The following PRPF8 variants were observed in gnomAD, a reference collection of about 807,000 sequenced individuals.
PRPF8 encodes the protein pre-mRNA processing factor 8, also known as pre-mRNA-processing-splicing factor 8.
Under a neutral mutation model 285.9 loss-of-function variants are expected in PRPF8, and 64 were observed. The ratio of observed to expected loss-of-function variants is 0.22; its 90% CI spans 0.18 to 0.28. The LOEUF (loss-of-function observed/expected upper bound fraction) is 0.28, where lower values mean the gene tolerates loss of function less well. Ranked by LOEUF, PRPF8 falls within the 10% of genes least tolerant of loss-of-function variation. PRPF8 has a pLI of 1.00. For synonymous variants in PRPF8, 1,325 were observed against 1,118.2 expected (o/e 1.18, Z -3.69); for missense variants, 1,426 against 3,026.7 (o/e 0.47, Z 12.41).
At chr17:1,677,316 G>C (rs371663702) in intron 14 of PRPF8, 144 bp from the exon 15 acceptor site, 56 of 1,005,900 alleles carry the variant, frequency 5.6e-5, no homozygotes, top group South Asian at 5.3e-4. Flanking sequence ...TATGCAAAAA[G>C]ACGAGCTACC....
At chr17:1,652,364 G>A (rs2151110278) in intron 39 of PRPF8, among the ~76,000 whole-genome samples, 2 of 152,222 alleles carry the variant, frequency 1.3e-5, no homozygotes, top group Admixed American at 1.3e-4. Flanking sequence ...TCAGCTTCCT[G>A]AGTAGCTGGG....
intron 24 of PRPF8, among the ~76,000 whole-genome samples, chr17:1,668,478 C>T (rs1239725055): frequency 6.6e-6 from 1 of 150,406 alleles, no homozygotes; most frequent in Non-Finnish European, 1.5e-5. Flanking sequence ...TCTCCTGCAT[C>T]AGCCCCCCTG....
intron 5 of PRPF8, 47 bp from the exon 6 acceptor site, chr17:1,681,737 C>T: frequency 6.2e-7 from 1 of 1,609,670 alleles, no homozygotes. Flanking sequence ...GCTAGACAAA[C>T]CCATACCACC....
Position 1,673,973 on chromosome 17 carries a change from G to A in PRPF8, c.3300-81C>T. 1.3e-6 allele frequency: 2 copies of A among 1,537,174 alleles called. No individual in the cohort carries two copies. The highest frequency in any genetic ancestry group is 4.5e-5 in the East Asian group (2 of 44,496). The stretch of plus-strand genomic sequence containing the variant: ...CACAAGTCCTCCAGCTCAATAGACG[G>A]AGACCCCACCCCATCCTACCCCCAC... On this transcript the variant is annotated intron_variant, in intron 21 of 42. Coordinates refer to ENST00000304992, the MANE Select transcript of PRPF8 (RefSeq NM_006445.4). This position sits in a 1 kb window ranked among gnomAD's most constrained non-coding sequence, Gnocchi z 5.5.
Position 1,658,514 on chromosome 17 carries a change from G to A in PRPF8, c.5376+12C>T, listed in dbSNP as rs1358484661. ...CAGAGTCCCGCACCTATACACTGCT[G>A]CTAACACTCACCTTGTGAATAGTCA... On this transcript the variant is annotated intron_variant, in intron 33 of 42. Coordinates refer to ENST00000304992, the MANE Select transcript of PRPF8 (RefSeq NM_006445.4). The surrounding 1 kb of genome is among the most constrained non-coding windows in gnomAD (Gnocchi z 4.1). The A allele has an allele frequency of 6.2e-7, 1 of 1,611,998 alleles. No individual in the cohort carries two copies. The highest frequency in any genetic ancestry group is 1.3e-5 in the African/African-American group (1 of 74,852).
chr17:1,676,912 C>A lies in PRPF8; in HGVS notation c.2181+64G>T, dbSNP rs948364941. The A allele has an allele frequency of 1.3e-4, 209 of 1,588,456 alleles. 1 individual carries two copies. The highest frequency in any genetic ancestry group is 1.8e-4 in the Non-Finnish European group (205 of 1,162,588). On this transcript the variant is annotated intron_variant, in intron 15 of 42. Coordinates refer to ENST00000304992, the MANE Select transcript of PRPF8 (RefSeq NM_006445.4). This position sits in a 1 kb window ranked among gnomAD's most constrained non-coding sequence, Gnocchi z 6.3. ...AGCCAGATAGCCCCCTAATGATTCC[C>A]GAAGTGGTAATCCTACCCTAAAGAC...
chr17:1,682,349 G>A (rs1912975091), intron 3 of PRPF8, 56 bp from the exon 4 acceptor site: 5 of 1,576,722 alleles, frequency 3.2e-6, no homozygotes, highest in Non-Finnish European at 4.4e-6. Context: ...TCTGCTACCT[G>A]TCCCATGCAG....
chr17:1,660,902 G>T, intron 28 of PRPF8, 75 bp from the exon 29 acceptor site: 13 of 1,612,404 alleles, frequency 8.1e-6, no homozygotes, highest in Non-Finnish European at 1.1e-5. Flanking sequence ...GGAGGTGGCT[G>T]TCTGGGAAAC....
chr17:1,658,211 G>A lies in PRPF8; in HGVS notation c.5505+42C>T, dbSNP rs1430878687. 2 of 1,613,358 alleles carry A rather than the reference G, an allele frequency of 1.2e-6. No homozygotes were observed. The highest frequency in any genetic ancestry group is 1.1e-5 in the South Asian group (1 of 91,036). On this transcript the variant is annotated intron_variant, in intron 34 of 42. Transcript: ENST00000304992. This position sits in a 1 kb window ranked among gnomAD's most constrained non-coding sequence, Gnocchi z 4.1. ...ACCAAGTCCACCCCAAGAATAAGAG[G>A]CAACATGGTTCTACAGCCTCTTCAT...
Position 1,653,464 on chromosome 17 carries a change from C to G in PRPF8, c.6369+78G>C. 1 of 1,576,076 alleles carries G rather than the reference C, an allele frequency of 6.3e-7. No individual in the cohort carries two copies. The highest frequency in any genetic ancestry group is 8.7e-7 in the Non-Finnish European group (1 of 1,145,986). On this transcript the variant is annotated intron_variant, in intron 39 of 42. Coordinates refer to ENST00000304992, the MANE Select transcript of PRPF8 (RefSeq NM_006445.4). The surrounding 1 kb of genome is among the most constrained non-coding windows in gnomAD (Gnocchi z 4.9). ...ATCTTGAAACCAGCATCTCAAGTTC[C>G]AGACAATCTCAGGTCTGAGTTTTAG... is the stretch of plus-strand genomic sequence containing the variant.
chr17:1,664,490 G>C (rs773297636), intron 24 of PRPF8, among the ~76,000 whole-genome samples: 4 of 152,086 alleles, frequency 2.6e-5, no homozygotes, highest in African/African-American at 7.2e-5. Flanking sequence ...GGCACCAAGA[G>C]AGACTGTACG....
Position 1,674,688 on chromosome 17 carries a change from G to A in PRPF8, c.3061-8C>T, listed in dbSNP as rs974419062. On this transcript the variant is annotated splice_polypyrimidine_tract_variant and splice_region_variant and intron_variant, in intron 20 of 42. Coordinates refer to ENST00000304992, the MANE Select transcript of PRPF8 (RefSeq NM_006445.4). ...ATTCGTATGGTTCATGTCCTAGAAAGAAAGAACTACAATTCTTAAGAATGT... is the reference window on the plus strand; with the variant it reads ...ATTCGTATGGTTCATGTCCTAGAAAAAAAGAACTACAATTCTTAAGAATGT... The A allele has an allele frequency of 3.7e-6, 6 of 1,610,020 alleles. No individual in the cohort carries two copies. Among genetic ancestry groups the A allele is most frequent in the Middle Eastern group, 1.6e-4 (1 of 6,072 alleles).
intron 2 of PRPF8, among the ~76,000 whole-genome samples, chr17:1,684,102 G>C (rs1361026867): frequency 6.6e-6 from 1 of 152,102 alleles, no homozygotes; most frequent in Non-Finnish European, 1.5e-5. Flanking sequence ...GGCCAGGCTG[G>C]TCTCGAACTC....
At chr17:1,670,786 C>T (rs1369780395) in intron 24 of PRPF8, among the ~76,000 whole-genome samples, 2 of 152,134 alleles carry the variant, frequency 1.3e-5, no homozygotes, top group Admixed American at 1.3e-4. Flanking sequence ...CGCGCCTGGC[C>T]TGCTCTCATC....
Position 1,675,454 on chromosome 17 carries a change from T to G in PRPF8, c.2873-115A>C, listed in dbSNP as rs16951086. The G allele has an allele frequency of 1.1e-5, 16 of 1,447,092 alleles. No individual in the cohort carries two copies. Among genetic ancestry groups the G allele is most frequent in the Non-Finnish European group, 1.5e-5 (16 of 1,033,596 alleles). The allele number at this position is 1,447,092 out of a possible 1,614,324, so 89.6% of individuals were successfully genotyped here. A position where few individuals can be genotyped will look rare whatever the true frequency, so the allele number is the denominator to read the frequency against. ...TCCCACTATGATTCCACGTATTCATTTGGATTGCTTTGACTATGGGCTTTT... is the reference window on the plus strand; with the variant it reads ...TCCCACTATGATTCCACGTATTCATGTGGATTGCTTTGACTATGGGCTTTT... On this transcript the variant is annotated intron_variant, in intron 19 of 42. Transcript: ENST00000304992. This position sits in a 1 kb window ranked among gnomAD's most constrained non-coding sequence, Gnocchi z 6.0.
At chr17:1,684,727 G>C in intron 1 of PRPF8, 53 bp downstream of exon 1, 1 of 743,606 alleles carries the variant, frequency 1.3e-6, no homozygotes, top group South Asian at 1.6e-5. Context: ...TCGGTCACTC[G>C]GCCCGACCCG....
chr17:1,664,716 A>G (rs904242091), intron 24 of PRPF8, among the ~76,000 whole-genome samples: 15 of 152,204 alleles, frequency 9.9e-5, no homozygotes, highest in Admixed American at 9.8e-4. Flanking sequence ...TTTCCTAATC[A>G]TAATGGAATC....
chr17:1,676,774 G>A lies in PRPF8; in HGVS notation c.2182-63C>T, dbSNP rs545653832. ...CCAGGCACTGTGGCACACATCTGTA[G>A]TCCCGGCTACTCAGGAGGCTAAGGA... On this transcript the variant is annotated intron_variant, in intron 15 of 42. Transcript: ENST00000304992. The surrounding 1 kb of genome is among the most constrained non-coding windows in gnomAD (Gnocchi z 6.3). The A allele has an allele frequency of 3.8e-6, 6 of 1,580,718 alleles. No individual in the cohort carries two copies. The African/African-American group carries it at 6.7e-5, about 18-fold the overall frequency.
Position 1,679,898 on chromosome 17 carries a change from G to T in PRPF8, c.1099-99C>A. ...GGGGCCAAGCACAAAGCCTGTATCT[G>T]CTATGGAAACTGGGCTGTCTGACAA... On this transcript the variant is annotated intron_variant, in intron 8 of 42. Transcript: ENST00000304992. The surrounding 1 kb of genome is among the most constrained non-coding windows in gnomAD (Gnocchi z 4.7). 7.1e-7 allele frequency: 1 copy of T among 1,406,994 alleles called. No individual in the cohort carries two copies. Among genetic ancestry groups the T allele is most frequent in the Non-Finnish European group, 1.0e-6 (1 of 992,312 alleles). 87.2% of individuals were successfully genotyped at this position (1,406,994 alleles called of 1,614,324 possible). A position where few individuals can be genotyped will look rare whatever the true frequency, so the allele number is the denominator to read the frequency against.
Sources: allele counts gnomAD v4.1 joint callset (sites outside exome capture counted in the v4.1 genomes callset), GRCh38; gene constraint gnomAD v4.1.1; non-coding constraint Gnocchi (gnomAD v3.1); transcripts MANE v1.5; gene names NCBI Gene and HGNC (gene_info 2026-07-23, HGNC 2026-07-21).